Variants in MROH1 observed in about 807,000 individuals in gnomAD.
MROH1 encodes maestro heat-like repeat-containing protein family member 1.
MROH1 carries 117 observed loss-of-function variants against 116.5 expected under a neutral mutation model. That is an observed-to-expected ratio of 1.00 (90% CI 0.86 to 1.17). The LOEUF (loss-of-function observed/expected upper bound fraction) is 1.17, where lower values mean the gene tolerates loss of function less well. MROH1 is among the 50% of genes most tolerant of loss of function. MROH1 has a pLI of 0.00. For missense variants in MROH1, 1,873 were observed against 1,338.5 expected (o/e 1.40, Z -6.23); for synonymous variants, 921 against 583.9 (o/e 1.58, Z -8.32).
intron 7 of MROH1, among the ~76,000 whole-genome samples, chr8:144,187,261 T>C (rs999682595): frequency 1.3e-5 from 2 of 151,950 alleles, no homozygotes; most frequent in African/African-American, 4.8e-5. Context: ...AAATATAAAA[T>C]TAGCCAGGTA....
chr8:144,156,961 GTAT>G (rs1373316238), intron 1 of MROH1, among the ~76,000 whole-genome samples: 1 of 149,656 alleles, frequency 6.7e-6, no homozygotes, highest in Non-Finnish European at 1.5e-5. Context: ...TTTTGTATTA[GTAT>G]TATTATTTTT....
Position 144,203,873 on chromosome 8 carries a change from G to A in MROH1, c.1141+3332G>A, listed in dbSNP as rs1176162497. On this transcript the variant is annotated intron_variant, in intron 12 of 43. Transcript: ENST00000326134. ...CATTCAGAAGTTCAACATTTCATGG[G>A]ATTAACCATGCTCAACTTCCCTTTG... Among the ~76,000 whole-genome samples, 3 of 152,110 alleles carry A rather than the reference G, an allele frequency of 2.0e-5. No individual in the cohort carries two copies. The East Asian group carries it at 5.8e-4, about 29-fold the overall frequency.
chr8:144,188,334 G>A (rs573788090), intron 7 of MROH1, among the ~76,000 whole-genome samples: 84 of 152,290 alleles, frequency 5.5e-4, no homozygotes, highest in African/African-American at 1.6e-3. Context: ...GCAGTGGATG[G>A]GGCCTAAGGC....
At chr8:144,191,570 G>A in intron 8 of MROH1, 145 bp from the exon 9 acceptor site, 1 of 1,101,388 alleles carries the variant, frequency 9.1e-7, no homozygotes, top group South Asian at 1.6e-5. Context: ...CTGACCTCTG[G>A]GTGCTAGGCT....
intron 12 of MROH1, among the ~76,000 whole-genome samples, chr8:144,203,687 A>C (rs979366621): frequency 5.9e-5 from 9 of 152,126 alleles, no homozygotes; most frequent in Admixed American, 1.3e-4. Context: ...GGCGTGTGGC[A>C]GCCCCACAGA....
intron 33 of MROH1, 164 bp downstream of exon 33, chr8:144,250,530 T>C: frequency 1.5e-6 from 1 of 689,586 alleles, no homozygotes; most frequent in Non-Finnish European, 2.6e-6. Flanking sequence ...CAGGCCCCAG[T>C]CTCTCAGGTA....
chr8:144,169,623 GTATTTT>G (rs1364255640), intron 4 of MROH1, among the ~76,000 whole-genome samples: 4 of 147,306 alleles, frequency 2.7e-5, no homozygotes, highest in East Asian at 2.0e-4. Context: ...GGCTAATTTT[GTATTTT>G]TATTTTTATT....
intron 12 of MROH1, 130 bp downstream of exon 12, chr8:144,200,671 T>TA (rs1394963464): frequency 1.4e-6 from 1 of 731,868 alleles, no homozygotes; most frequent in Non-Finnish European, 2.3e-6. Context: ...TTTCCCTACT[T>TA]ACTATTTTGC....
intron 32 of MROH1, among the ~76,000 whole-genome samples, chr8:144,249,317 G>A (rs1842447285): frequency 6.6e-6 from 1 of 151,804 alleles, no homozygotes; most frequent in African/African-American, 2.4e-5. Flanking sequence ...AATAAGGGGG[G>A]AAAAGGAAGT....
At chr8:144,203,991 A>G (rs1245050820) in intron 12 of MROH1, among the ~76,000 whole-genome samples, 1 of 152,228 alleles carries the variant, frequency 6.6e-6, no homozygotes, top group Non-Finnish European at 1.5e-5. Context: ...GCATTTACGT[A>G]TGTACAAATG....
intron 7 of MROH1, among the ~76,000 whole-genome samples, chr8:144,181,600 C>T (rs1228410068): frequency 2.0e-5 from 3 of 152,136 alleles, no homozygotes; most frequent in African/African-American, 4.8e-5. Context: ...GGGCAGGGCC[C>T]CTTGGGTAGA....
Position 144,200,448 on chromosome 8 carries a change from C to T in MROH1, c.1048C>T (p.Leu350=). ...TVLACSSPDR[L]LAFLLPRLDT... is the part of the protein sequence containing the mutation. ...TGTAGCCTGCAGCTCGCCTGACCGC[C>T]TACTGGCCTTCCTGCTGCCCAGGCT... Residue 350 remains leucine, a synonymous_variant, in exon 12 of 44, where the codon CTA becomes TTA. Transcript: ENST00000326134. The T allele has an allele frequency of 6.4e-7, 1 of 1,550,718 alleles. No individual in the cohort carries two copies.
chr8:144,231,944 C>T (rs1367257774), intron 14 of MROH1, among the ~76,000 whole-genome samples: 4 of 152,202 alleles, frequency 2.6e-5, no homozygotes, highest in African/African-American at 9.7e-5. Flanking sequence ...CCTGTGATAA[C>T]TTAATACATT....
intron 12 of MROH1, among the ~76,000 whole-genome samples, chr8:144,204,658 G>A (rs1832442717): frequency 6.6e-6 from 1 of 152,304 alleles, no homozygotes; most frequent in East Asian, 1.9e-4. Flanking sequence ...ATTGTATGGT[G>A]TAAATAATTT....
chr8:144,230,265 C>T (rs904791477), intron 14 of MROH1, among the ~76,000 whole-genome samples: 1 of 152,176 alleles, frequency 6.6e-6, no homozygotes, highest in Non-Finnish European at 1.5e-5. Context: ...TAGGCTTCGG[C>T]TTAAGGGAAT....
chr8:144,171,199 G>T (rs1054012367), intron 4 of MROH1, among the ~76,000 whole-genome samples: 5 of 152,304 alleles, frequency 3.3e-5, no homozygotes, highest in African/African-American at 1.2e-4. Flanking sequence ...CCCCAGGTGT[G>T]GCCTGTGCTT....
At chr8:144,148,444 G>A (rs1023301286) in intron 1 of MROH1, among the ~76,000 whole-genome samples, 25 of 152,030 alleles carry the variant, frequency 1.6e-4, no homozygotes, top group Non-Finnish European at 3.4e-4. Flanking sequence ...TGAGCCCGGT[G>A]GTCCCCAGTG....
At chr8:144,175,462 C>CACTGAT in intron 4 of MROH1, 1 of 982,564 alleles carries the variant, frequency 1.0e-6, no homozygotes, top group Non-Finnish European at 1.2e-6. Flanking sequence ...GACCAATTTA[C>CACTGAT]ACTGATTTTC....
At chr8:144,151,163 G>A (rs1194030401) in intron 1 of MROH1, among the ~76,000 whole-genome samples, 15 of 147,120 alleles carry the variant, frequency 1.0e-4, no homozygotes, top group African/African-American at 3.4e-4. Flanking sequence ...CAGGAGAATC[G>A]CTTGAACCTG....
Sources: allele counts gnomAD v4.1 joint callset (sites outside exome capture counted in the v4.1 genomes callset), GRCh38; gene constraint gnomAD v4.1.1; transcripts MANE v1.5; gene names NCBI Gene and HGNC (gene_info 2026-07-23, HGNC 2026-07-21).